The following SCRIB variants were observed in gnomAD, a reference collection of about 807,000 sequenced individuals.
SCRIB encodes protein scribble homolog.
A neutral mutation model predicts 170.0 loss-of-function variants in SCRIB; 72 were observed. That is an observed-to-expected ratio of 0.42 (90% CI 0.35 to 0.52). SCRIB has a LOEUF of 0.52. SCRIB is among the 20% of genes least tolerant of loss of function. SCRIB has a pLI of 0.02. For synonymous variants in SCRIB, 1,298 were observed against 1,044.3 expected (o/e 1.24, Z -4.68); for missense variants, 2,475 against 2,338.5 (o/e 1.06, Z -1.20).
In SCRIB at chr8:143,809,548, C is replaced by CT; in HGVS notation, c.1698+2_1698+3insA. ...CTCCTGCCTCCTTCCTGCCAATCCA[C>CT]ACCTCCTGGTAGTCCTCTTCGGCGT... On this transcript the variant is annotated splice_region_variant and intron_variant, in intron 14 of 36. Coordinates refer to ENST00000356994, the MANE Select transcript of SCRIB (RefSeq NM_182706.5). The CT allele has an allele frequency of 6.2e-7, 1 of 1,605,086 alleles. No individual in the cohort carries two copies.
Position 143,791,676 on chromosome 8 carries a change from T to C in SCRIB, c.4760A>G (p.Tyr1587Cys), listed in dbSNP as rs782676114. Residue 1587 changes from tyrosine to cysteine, a missense_variant, in exon 35 of 37, where the codon TAT becomes TGT. Tyr to Cys is a radical substitution (Grantham distance 194). This residue lies in a region of SCRIB where 1,966 missense variants were observed against 1,742.9 expected (regional missense o/e 1.13). Transcript: ENST00000356994. The stretch of plus-strand genomic sequence containing the variant: ...CTGGAGGCCAGGTACCTGGATGTCA[T>C]AGACAGGTCTGGAAGAAGGCAGGGC... Reference protein sequence around the residue: ...FAALPSSRPVYDIQSPDFAEE... With the variant: ...FAALPSSRPVCDIQSPDFAEE... The C allele has an allele frequency of 2.4e-5, 38 of 1,605,348 alleles. No individual in the cohort carries two copies. The highest frequency in any genetic ancestry group is 4.4e-5 in the South Asian group (4 of 90,938).
At chr8:143,809,868 T>C in intron 13 of SCRIB, 150 bp from the exon 14 acceptor site, 4 of 853,736 alleles carry the variant, frequency 4.7e-6, no homozygotes, top group Non-Finnish European at 7.1e-6. Context: ...AGCTGCTCCC[T>C]GTCCCAGCCT....
Position 143,812,894 on chromosome 8 carries a change from G to A in SCRIB, c.710C>T (p.Ala237Val). Residue 237 changes from alanine to valine, a missense_variant, in exon 8 of 37, where the codon GCT (alanine) becomes GTT (valine). This residue lies in a region of SCRIB where 487 missense variants were observed against 558.1 expected (regional missense o/e 0.87). Transcript: ENST00000356994. ...GAGCAGCACCAGCCCGCCGAGCTCAGCAGGCAGCTCCTCCAGCCGGTTTTC... is the reference window on the plus strand; with the variant it reads ...GAGCAGCACCAGCCCGCCGAGCTCAACAGGCAGCTCCTCCAGCCGGTTTTC... ...VSENRLEELP[A>V]ELGGLVLLTD... is the part of the protein sequence containing the mutation. 6.2e-7 allele frequency: 1 copy of A among 1,611,174 alleles called. No homozygotes were observed. Among genetic ancestry groups the A allele is most frequent in the Non-Finnish European group, 8.5e-7 (1 of 1,179,898 alleles).
intron 8 of SCRIB, 29 bp downstream of exon 8, chr8:143,812,788 C>T (rs868437417): frequency 2.5e-6 from 4 of 1,591,010 alleles, no homozygotes; most frequent in Middle Eastern, 1.7e-4. Flanking sequence ...CTCCGTGTGC[C>T]CCACCCAGGC....
intron 9 of SCRIB, among the ~76,000 whole-genome samples, chr8:143,811,770 C>A (rs1299206623): frequency 6.6e-6 from 1 of 152,118 alleles, no homozygotes; most frequent in Admixed American, 6.5e-5. Context: ...GTCCCTTTCT[C>A]CATCTCCCCA....
intron 34 of SCRIB, 62 bp from the exon 35 acceptor site, chr8:143,791,802 C>A: frequency 1.4e-6 from 1 of 733,962 alleles, no homozygotes; most frequent in Admixed American, 3.5e-5. Flanking sequence ...ATGAGGGCCA[C>A]GGGGGTGGGG....
At chr8:143,807,925 C>G (rs189785045) in intron 15 of SCRIB, among the ~76,000 whole-genome samples, 1 of 152,168 alleles carries the variant, frequency 6.6e-6, no homozygotes, top group Non-Finnish European at 1.5e-5. Context: ...TAGTGAGACC[C>G]GGGGACTCCC....
Position 143,803,663 on chromosome 8 carries a change from C to CCCT in SCRIB, c.3395_3397dup (p.Glu1132dup). On this transcript the variant is annotated inframe_insertion, in exon 23 of 37. Transcript: ENST00000356994. ...GGGGCTCACCTTGGAGATGAAGATGCCCTCGTCTGTGGGGTCGCGGGGGTT... is the reference window on the plus strand; with the variant it reads ...GGGGCTCACCTTGGAGATGAAGATGCCCTCCTCGTCTGTGGGGTCGCGGGGGTT... 6.4e-7 allele frequency: 1 copy of CCCT among 1,561,710 alleles called. No individual in the cohort carries two copies. The highest frequency in any genetic ancestry group is 8.6e-7 in the Non-Finnish European group (1 of 1,159,550).
chr8:143,815,150 T>C (rs1393612590), intron 1 of SCRIB, 64 bp downstream of exon 1: 50 of 1,437,676 alleles, frequency 3.5e-5, no homozygotes, highest in Non-Finnish European at 4.5e-5. Context: ...GGGCAGATTC[T>C]GCCGCCGGAG....
At chr8:143,799,799 G>C (rs1005608665) in intron 24 of SCRIB, among the ~76,000 whole-genome samples, 2 of 143,988 alleles carry the variant, frequency 1.4e-5, no homozygotes, top group Non-Finnish European at 2.9e-5. Context: ...GACAGACGTG[G>C]GCCGTAGAAA....
rs1815308580 is a variant in SCRIB, at chr8:143,804,250, G to A, written c.3010-94C>T. ...AGAGTCCGTCCCGGTCCTTGGGGAT[G>A]GCGGGCGGGGGCTGCCCTAATGCCC... On this transcript the variant is annotated intron_variant, in intron 21 of 36. Coordinates refer to ENST00000356994, the MANE Select transcript of SCRIB (RefSeq NM_182706.5). 12 of 928,390 alleles carry A rather than the reference G, an allele frequency of 1.3e-5. No homozygotes were observed. The East Asian group carries it at 3.2e-4, about 25-fold the overall frequency. The allele number at this position is 928,390 out of a possible 1,614,324, so 57.5% of individuals were successfully genotyped here.
Position 143,815,616 on chromosome 8 carries a change from G to GAGCGGC in SCRIB, c.-250_-245dup. 1.0e-6 allele frequency: 1 copy of GAGCGGC among 982,160 alleles called. No homozygotes were observed. The highest frequency in any genetic ancestry group is 1.2e-6 in the Non-Finnish European group (1 of 828,518). 60.8% of individuals were successfully genotyped at this position (982,160 alleles called of 1,614,324 possible). On this transcript the variant is annotated 5_prime_UTR_variant, in exon 1 of 37. Transcript: ENST00000356994. ...GTCTCAGACTCTTAGGAAGCGCGGG[G>GAGCGGC]AGCGGCGGCGGCGGCGGCTCCGCAT...
At chr8:143,798,266 CAAAA>C (rs1815026350) in intron 24 of SCRIB, among the ~76,000 whole-genome samples, 1 of 151,624 alleles carries the variant, frequency 6.6e-6, no homozygotes, top group Non-Finnish European at 1.5e-5. Flanking sequence ...AAAAAAAAAA[CAAAA>C]AACAGATTTT....
intron 30 of SCRIB, 27 bp downstream of exon 30, chr8:143,792,681 C>T (rs1176184569): frequency 6.3e-7 from 1 of 1,589,266 alleles, no homozygotes; most frequent in South Asian, 1.1e-5. Context: ...CGAGACCCAA[C>T]CCCCACCCCA....
intron 21 of SCRIB, 65 bp downstream of exon 21, chr8:143,804,503 T>A: frequency 6.9e-7 from 1 of 1,452,904 alleles, no homozygotes; most frequent in Admixed American, 2.4e-5. Context: ...AGAGAGCAGG[T>A]CCTGGGAAGG....
At chr8:143,800,910 G>A (rs1251417328) in intron 24 of SCRIB, among the ~76,000 whole-genome samples, 1 of 152,206 alleles carries the variant, frequency 6.6e-6, no homozygotes, top group African/African-American at 2.4e-5. Flanking sequence ...TGAAATCCCA[G>A]AATTCCAGTC....
chr8:143,814,681 G>C (rs555807834), intron 1 of SCRIB, among the ~76,000 whole-genome samples: 1 of 152,302 alleles, frequency 6.6e-6, no homozygotes, highest in South Asian at 2.1e-4. Flanking sequence ...CCCATCTCCA[G>C]AAAAGAAATA....
intron 18 of SCRIB, among the ~76,000 whole-genome samples, chr8:143,805,680 C>T (rs896266552): frequency 3.3e-5 from 5 of 152,186 alleles, no homozygotes; most frequent in Middle Eastern, 3.2e-3. Flanking sequence ...ACACTGGCCA[C>T]GGGAGGCAAG....
rs962045896 is a variant in SCRIB at position 143,811,412 on chromosome 8, C to G, written c.907-67G>C. On this transcript the variant is annotated intron_variant, in intron 9 of 36. Coordinates refer to ENST00000356994, the MANE Select transcript of SCRIB (RefSeq NM_182706.5). ...GGGGGTGGGAAGGAGATGACAGCCCCTGGCAGGAGGGCACAGACACCCCAG... is the reference window on the plus strand; with the variant it reads ...GGGGGTGGGAAGGAGATGACAGCCCGTGGCAGGAGGGCACAGACACCCCAG... 5 of 1,454,730 alleles carry G rather than the reference C, an allele frequency of 3.4e-6. No individual in the cohort carries two copies. In the African/African-American group the frequency reaches 7.0e-5, roughly 20 times the overall value. The allele number at this position is 1,454,730 out of a possible 1,614,324, so 90.1% of individuals were successfully genotyped here.
Sources: allele counts gnomAD v4.1 joint callset (sites outside exome capture counted in the v4.1 genomes callset), GRCh38; gene constraint gnomAD v4.1.1; regional missense constraint gnomAD v4.1.1; transcripts MANE v1.5; gene names NCBI Gene and HGNC (gene_info 2026-07-23, HGNC 2026-07-21).